GLIS3: variants seen among roughly 807,000 people sequenced by gnomAD.
GLIS3 encodes the protein zinc finger protein GLIS3.
GLIS3 carries 53 observed loss-of-function variants against 78.6 expected under a neutral mutation model. That is an observed-to-expected ratio of 0.67 (90% CI 0.54 to 0.85). The LOEUF (loss-of-function observed/expected upper bound fraction) is 0.85. Among genes scored for constraint, GLIS3 ranks in the 40% least tolerant of loss-of-function variants. The probability of loss-of-function intolerance (pLI) is 0.00; values close to 1 mark genes in which losing one functional copy is unlikely to be tolerated. For synonymous variants in GLIS3, 684 were observed against 509.9 expected (o/e 1.34, Z -4.60); for missense variants, 1,703 against 1,231.1 (o/e 1.38, Z -5.74).
the GLIS3 span, among the ~76,000 whole-genome samples, chr9:4,397,122 T>A: frequency 7.1e-6 from 1 of 140,762 alleles, no homozygotes; most frequent in South Asian, 2.3e-4. Flanking sequence ...ACCTCCTGGG[T>A]TCACGCCATT....
chr9:4,267,756 C>T (rs148467515), intron 2 of GLIS3, among the ~76,000 whole-genome samples: 3 of 152,280 alleles, frequency 2.0e-5, no homozygotes, highest in East Asian at 1.9e-4. Flanking sequence ...CCTCATTTTA[C>T]AAAGAGTACA....
chr9:4,355,471 TA>T, the GLIS3 span, among the ~76,000 whole-genome samples: 1 of 152,228 alleles, frequency 6.6e-6, no homozygotes, highest in South Asian at 2.1e-4. Context: ...TGGCACGAAA[TA>T]GACAAGTTTC....
At chr9:4,317,142 C>G (rs1300900785) in intron 2 of GLIS3, among the ~76,000 whole-genome samples, 5 of 152,150 alleles carry the variant, frequency 3.3e-5, no homozygotes, top group Non-Finnish European at 7.3e-5. Context: ...GTATTCAGTG[C>G]CTTTCGACTG....
chr9:4,357,829 G>A, the GLIS3 span, among the ~76,000 whole-genome samples: 1 of 152,160 alleles, frequency 6.6e-6, no homozygotes, highest in Non-Finnish European at 1.5e-5. Flanking sequence ...GTGTCAGGAG[G>A]CACCATTCCC....
intron 4 of GLIS3, among the ~76,000 whole-genome samples, chr9:3,939,970 A>T (rs116470292): frequency 6.6e-6 from 1 of 152,252 alleles, no homozygotes; most frequent in African/African-American, 2.4e-5. Flanking sequence ...TGAACTTGTC[A>T]CATTGACAAT....
intron 4 of GLIS3, among the ~76,000 whole-genome samples, chr9:3,953,305 T>C (rs113309134): frequency 1.6e-4 from 24 of 152,228 alleles, no homozygotes; most frequent in African/African-American, 5.1e-4. Flanking sequence ...TTGTTACATA[T>C]GCAGCACTTA....
At chr9:4,189,667 T>C (rs1019578860) in intron 2 of GLIS3, among the ~76,000 whole-genome samples, 7 of 152,216 alleles carry the variant, frequency 4.6e-5, no homozygotes, top group Non-Finnish European at 1.0e-4. Flanking sequence ...GCTTTATAAA[T>C]CTGGATGCTC....
chr9:3,978,670 T>C (rs969769282), intron 4 of GLIS3, among the ~76,000 whole-genome samples: 3 of 152,028 alleles, frequency 2.0e-5, no homozygotes, highest in Admixed American at 6.6e-5. Flanking sequence ...CATGAACATG[T>C]ACTTTCTATA....
intron 4 of GLIS3, chr9:4,034,654 T>C (rs913472245): frequency 6.6e-6 from 1 of 152,204 alleles, no homozygotes; most frequent in Admixed American, 6.5e-5. Flanking sequence ...CTTCAAGAAA[T>C]TGTTTGGGGA....
At chr9:4,238,346 A>G (rs1587095970) in intron 2 of GLIS3, among the ~76,000 whole-genome samples, 1 of 152,154 alleles carries the variant, frequency 6.6e-6, no homozygotes, top group Non-Finnish European at 1.5e-5. Context: ...GTTTTGGTGG[A>G]GAGGAAGAAT....
the GLIS3 span, among the ~76,000 whole-genome samples, chr9:4,453,002 A>T: frequency 6.6e-6 from 1 of 152,174 alleles, no homozygotes. Flanking sequence ...CCTCAGAAAT[A>T]ACACCACACA....
intron 2 of GLIS3, among the ~76,000 whole-genome samples, chr9:4,342,505 T>C (rs1379572310): frequency 6.6e-6 from 1 of 152,236 alleles, no homozygotes; most frequent in Non-Finnish European, 1.5e-5. Flanking sequence ...TCTTGTAGTA[T>C]AAAGTTGGGT....
At chr9:4,249,595 T>C (rs193017503) in intron 2 of GLIS3, among the ~76,000 whole-genome samples, 276 of 152,258 alleles carry the variant, frequency 1.8e-3, no homozygotes, top group Non-Finnish European at 2.8e-3. Flanking sequence ...CTCTTCCTAT[T>C]TGAACACTCT....
At chr9:4,326,148 G>C (rs1281649692) in intron 2 of GLIS3, among the ~76,000 whole-genome samples, 1 of 152,102 alleles carries the variant, frequency 6.6e-6, no homozygotes. Flanking sequence ...GAACCACCGT[G>C]GCACACATTT....
At chr9:4,352,388 G>A (rs372866330), upstream of GLIS3, among the ~76,000 whole-genome samples, 1 of 152,242 alleles carries the variant, frequency 6.6e-6, no homozygotes, top group East Asian at 1.9e-4. Context: ...AATTAAAATA[G>A]CTCACAATTC....
the GLIS3 span, among the ~76,000 whole-genome samples, chr9:4,454,179 A>C: frequency 3.3e-5 from 5 of 151,248 alleles, no homozygotes; most frequent in Admixed American, 3.3e-4. Flanking sequence ...AAGAAGAAAG[A>C]AAAAAACCAG....
intron 4 of GLIS3, among the ~76,000 whole-genome samples, chr9:3,971,035 G>C (rs1252947181): frequency 2.2e-5 from 3 of 139,166 alleles, no homozygotes; most frequent in African/African-American, 7.9e-5. Flanking sequence ...TCGATCAAAG[G>C]AAAGAAGGAA....
In GLIS3 at chr9:4,061,128, C is replaced by T. The variant is rs376528473; in HGVS notation, c.1710+56640G>A. On this transcript the variant is annotated intron_variant, in intron 4 of 10. Transcript: ENST00000381971. ...ATGTGCACAACGTGCAGGTTTGTTA[C>T]ATATGTATACATGTGCCATGTTGGT... 2.0e-5 allele frequency among the ~76,000 whole-genome samples: 3 copies of T among 152,040 alleles called. No homozygotes were observed. In the East Asian group the frequency reaches 5.8e-4, roughly 29 times the overall value.
intron 2 of GLIS3, among the ~76,000 whole-genome samples, chr9:4,346,226 A>G (rs10974483): frequency 0.42 from 64,368 of 152,078 alleles, 14,324 homozygotes; most frequent in Admixed American, 0.5. Flanking sequence ...ATCCAATAAG[A>G]TTAGAAATAA....
Sources: gnomAD v4.1 joint callset for allele counts (sites outside exome capture counted in the v4.1 genomes callset) on GRCh38, gnomAD v4.1.1 for gene constraint, MANE v1.5 for transcripts, NCBI Gene and HGNC (gene_info 2026-07-23, HGNC 2026-07-21) for gene names.